The following AUTS2 variants were observed in gnomAD, a reference collection of about 807,000 sequenced individuals.
The protein encoded by AUTS2 is autism susceptibility gene 2 protein.
A neutral mutation model predicts 112.4 loss-of-function variants in AUTS2; 17 were observed. The observed-to-expected ratio is 0.15, with a 90% CI of 0.10 to 0.23. The LOEUF (loss-of-function observed/expected upper bound fraction) is 0.23, where lower values mean the gene tolerates loss of function less well. Among genes scored for constraint, AUTS2 ranks in the 10% least tolerant of loss-of-function variants. The pLI is 1.00. For synonymous variants in AUTS2, 751 were observed against 702.7 expected, an observed-to-expected ratio of 1.07 and a Z score of -1.09; for missense variants, 1,510 against 1,701.6, an observed-to-expected ratio of 0.89 and a Z score of 1.98.
At chr7:70,454,306 G>A (rs945878894) in intron 5 of AUTS2, among the ~76,000 whole-genome samples, 3 of 152,188 alleles carry the variant, frequency 2.0e-5, no homozygotes, top group South Asian at 2.1e-4. Context: ...AGGCCGAGGC[G>A]GGTGGATCAC....
chr7:70,083,135 A>T (rs965958207), intron 2 of AUTS2, among the ~76,000 whole-genome samples: 1 of 152,026 alleles, frequency 6.6e-6, no homozygotes, highest in African/African-American at 2.4e-5. Context: ...TCTTTCCCTG[A>T]TGATTGTTTT....
At chr7:69,704,159 A>G (rs985493543) in intron 1 of AUTS2, among the ~76,000 whole-genome samples, 16 of 151,730 alleles carry the variant, frequency 1.1e-4, no homozygotes, top group African/African-American at 3.9e-4. Context: ...GAAATCCCAA[A>G]CTCTGCTGTT....
intron 4 of AUTS2, among the ~76,000 whole-genome samples, chr7:70,218,899 A>C (rs1189499165): frequency 6.6e-6 from 1 of 152,172 alleles, no homozygotes; most frequent in African/African-American, 2.4e-5. Flanking sequence ...TATCATATGA[A>C]ATCATCATCC....
At chr7:70,239,970 A>G (rs1391507270) in intron 4 of AUTS2, among the ~76,000 whole-genome samples, 1 of 152,190 alleles carries the variant, frequency 6.6e-6, no homozygotes, top group African/African-American at 2.4e-5. Flanking sequence ...TAGGTAAGGA[A>G]TCATTGGGCC....
At chr7:69,713,955 A>G (rs187666904) in intron 1 of AUTS2, among the ~76,000 whole-genome samples, 9 of 152,270 alleles carry the variant, frequency 5.9e-5, no homozygotes, top group Non-Finnish European at 1.3e-4. Context: ...CATAACTAAG[A>G]AATCTTTGCC....
chr7:70,172,399 G>GTTCTTTCAT (rs1261496397), intron 4 of AUTS2, among the ~76,000 whole-genome samples: 2 of 152,164 alleles, frequency 1.3e-5, no homozygotes, highest in Non-Finnish European at 2.9e-5. Context: ...ATTAAAGAAC[G>GTTCTTTCAT]TTCTTTCATG....
At chr7:69,636,425 G>A (rs1794524427) in intron 1 of AUTS2, among the ~76,000 whole-genome samples, 1 of 140,978 alleles carries the variant, frequency 7.1e-6, no homozygotes, top group Non-Finnish European at 1.5e-5. Flanking sequence ...TGTAGAGATG[G>A]GGTTTCAACA....
intron 4 of AUTS2, among the ~76,000 whole-genome samples, chr7:70,280,284 C>CTTTTT (rs530905531): frequency 7.4e-6 from 1 of 135,560 alleles, no homozygotes; most frequent in African/African-American, 2.7e-5. Flanking sequence ...TTCTTTCTTT[C>CTTTTT]TTTTTTTTTT....
At chr7:70,693,233 T>G (rs1195008332) in intron 5 of AUTS2, among the ~76,000 whole-genome samples, 1 of 152,182 alleles carries the variant, frequency 6.6e-6, no homozygotes, top group Non-Finnish European at 1.5e-5. Context: ...GTGCCTCATT[T>G]CTGGCCATTC....
At chr7:69,771,057 G>C (rs1788641993) in intron 1 of AUTS2, among the ~76,000 whole-genome samples, 2 of 152,312 alleles carry the variant, frequency 1.3e-5, no homozygotes, top group Non-Finnish European at 2.9e-5. Flanking sequence ...GAGAACCATG[G>C]AGGAGGATTC....
chr7:70,579,244 TAAAAAAA>T (rs10611601), intron 5 of AUTS2, among the ~76,000 whole-genome samples: 1 of 55,868 alleles, frequency 1.8e-5, no homozygotes, highest in African/African-American at 6.9e-5. Context: ...TTCTCTTTTC[TAAAAAAA>T]AAAAAAAAAA....
At chr7:70,022,721 G>A (rs898104277) in intron 2 of AUTS2, among the ~76,000 whole-genome samples, 8 of 152,034 alleles carry the variant, frequency 5.3e-5, no homozygotes, top group African/African-American at 1.7e-4. Flanking sequence ...TCTGGGAAGT[G>A]GCATTCTTGG....
intron 4 of AUTS2, among the ~76,000 whole-genome samples, chr7:70,362,643 C>T (rs73173561): frequency 0.023 from 3,463 of 151,956 alleles, 58 homozygotes; most frequent in South Asian, 0.073. Context: ...TCCTTCCTCC[C>T]GTCCTCTCTT....
intron 4 of AUTS2, among the ~76,000 whole-genome samples, chr7:70,424,631 G>A (rs563987021): frequency 2.0e-5 from 3 of 152,210 alleles, no homozygotes; most frequent in South Asian, 4.2e-4. Flanking sequence ...CTGTCACCCA[G>A]GCTAGAGCAC....
At chr7:70,565,389 G>T (rs561666281) in intron 5 of AUTS2, among the ~76,000 whole-genome samples, 3 of 152,230 alleles carry the variant, frequency 2.0e-5, no homozygotes, top group African/African-American at 7.2e-5. Context: ...GGAATAGAAG[G>T]TTACTATGCA....
chr7:69,948,451 C>T (rs1276850871), intron 2 of AUTS2, among the ~76,000 whole-genome samples: 1 of 152,150 alleles, frequency 6.6e-6, no homozygotes, highest in Non-Finnish European at 1.5e-5. Flanking sequence ...TAAAAACATA[C>T]ACCTCCAGAA....
chr7:69,605,213 G>T (rs1792647092), intron 1 of AUTS2, among the ~76,000 whole-genome samples: 1 of 152,212 alleles, frequency 6.6e-6, no homozygotes, highest in Non-Finnish European at 1.5e-5. Context: ...TGAGTCTGGG[G>T]TGAGTGGGCT....
chr7:69,783,110 T>C (rs1479108817), intron 1 of AUTS2, among the ~76,000 whole-genome samples: 1 of 144,808 alleles, frequency 6.9e-6, no homozygotes, highest in African/African-American at 2.7e-5. Flanking sequence ...TTTTTTTTTT[T>C]TTGGCTTCAC....
rs923350977 is a variant in AUTS2, at chr7:70,512,733, G to T, written c.690+76952G>T. Among the ~76,000 whole-genome samples, 7 of 152,092 alleles carry T rather than the reference G, an allele frequency of 4.6e-5. No homozygotes were observed. The South Asian group carries it at 8.3e-4, about 18-fold the overall frequency. ...ACCATATGGTTAGTTTTGCAGCTTT[G>T]TGAAGCTATAAATCTTTGGTGGAGT... On this transcript the variant is annotated intron_variant, in intron 5 of 18. Coordinates refer to ENST00000342771, the MANE Select transcript of AUTS2 (RefSeq NM_015570.4).
Sources: allele counts gnomAD v4.1 joint callset (sites outside exome capture counted in the v4.1 genomes callset), GRCh38; gene constraint gnomAD v4.1.1; transcripts MANE v1.5; gene names NCBI Gene and HGNC (gene_info 2026-07-23, HGNC 2026-07-21).